The following TNFSF8 variants were observed in gnomAD, a reference collection of about 807,000 sequenced individuals.
The protein encoded by TNFSF8 is tumor necrosis factor ligand superfamily member 8.
TNFSF8 carries 4 observed loss-of-function variants against 22.0 expected under a neutral mutation model. That is an observed-to-expected ratio of 0.18 (90% CI 0.09 to 0.42). The LOEUF (loss-of-function observed/expected upper bound fraction) is 0.42. Ranked by LOEUF, TNFSF8 falls within the 10% of genes least tolerant of loss-of-function variation. The pLI, the probability that TNFSF8 is intolerant of heterozygous loss-of-function variation, is 1.00. For missense variants in TNFSF8, 233 were observed against 281.8 expected, an observed-to-expected ratio of 0.83 and a Z score of 1.24; for synonymous variants, 106 against 112.5, an observed-to-expected ratio of 0.94 and a Z score of 0.37.
At chr9:114,925,438 G>A (rs1382448642) in intron 1 of TNFSF8, among the ~76,000 whole-genome samples, 1 of 152,110 alleles carries the variant, frequency 6.6e-6, no homozygotes, top group African/African-American at 2.4e-5. Flanking sequence ...CAAGGAATGA[G>A]TCTCCAGGTT....
downstream of TNFSF8, among the ~76,000 whole-genome samples, chr9:114,898,397 C>T (rs943560757): frequency 2.2e-4 from 33 of 152,184 alleles, no homozygotes; most frequent in African/African-American, 8.0e-4. Flanking sequence ...GTTATTATCA[C>T]TATCAATTCC....
At chr9:114,904,831 A>G (rs1237202630) in intron 3 of TNFSF8, among the ~76,000 whole-genome samples, 2 of 152,190 alleles carry the variant, frequency 1.3e-5, no homozygotes, top group Non-Finnish European at 2.9e-5. Context: ...TTAATATCCA[A>G]TTTAGGTTTG....
At chr9:114,909,612 A>G (rs1325927703) in intron 2 of TNFSF8, among the ~76,000 whole-genome samples, 1 of 152,216 alleles carries the variant, frequency 6.6e-6, no homozygotes, top group Admixed American at 6.5e-5. Flanking sequence ...GGGCCTACCT[A>G]GCTTATTTCA....
chr9:114,912,499 C>T (rs569864925), intron 2 of TNFSF8, among the ~76,000 whole-genome samples: 1 of 152,362 alleles, frequency 6.6e-6, no homozygotes, highest in South Asian at 2.1e-4. Context: ...AAGCGATTCT[C>T]CTGCCTCAGC....
At chr9:114,919,022 T>G (rs942311791) in intron 1 of TNFSF8, among the ~76,000 whole-genome samples, 17 of 150,442 alleles carry the variant, frequency 1.1e-4, no homozygotes, top group African/African-American at 2.0e-4. Context: ...GTAGATGTGT[T>G]TTTTTTTTTT....
At position 114,902,312 on chromosome 9, in the gene TNFSF8, G is replaced by A. The variant is rs940583213; in HGVS notation, c.*1619C>T. The A allele has an allele frequency of 7.1e-6, 7 of 985,430 alleles. No individual in the cohort carries two copies. The East Asian group carries it at 4.5e-4, about 64-fold the overall frequency. 61.0% of individuals were successfully genotyped at this position (985,430 alleles called of 1,614,324 possible). A position where few individuals can be genotyped will look rare whatever the true frequency, so the allele number is the denominator to read the frequency against. On this transcript the variant is annotated 3_prime_UTR_variant, in exon 4 of 4. Coordinates refer to ENST00000223795, the MANE Select transcript of TNFSF8 (RefSeq NM_001244.4). ...CCCTCGCGGAACTGGTTTTCTGAGA[G>A]GTGTTTGAAGCAGGAATATATTATG...
Position 114,918,142 on chromosome 9 carries a change from G to C in TNFSF8, c.196-4C>G. 6.2e-7 allele frequency: 1 copy of C among 1,602,792 alleles called. No individual in the cohort carries two copies. Among genetic ancestry groups the C allele is most frequent in the Non-Finnish European group, 8.5e-7 (1 of 1,175,054 alleles). On this transcript the variant is annotated splice_region_variant and splice_polypyrimidine_tract_variant and intron_variant, in intron 1 of 3. Coordinates refer to ENST00000223795, the MANE Select transcript of TNFSF8 (RefSeq NM_001244.4). ...CAGGTGAGTTGGGAATGGAGTCCTG[G>C]AAGAAAAGAAAGAAAAAAGCAGCAT... is the stretch of plus-strand genomic sequence containing the variant.
intron 1 of TNFSF8, among the ~76,000 whole-genome samples, chr9:114,925,829 G>A (rs1318513497): frequency 6.6e-6 from 1 of 152,088 alleles, no homozygotes; most frequent in African/African-American, 2.4e-5. Context: ...CCTGGGGCTA[G>A]AGAAGCCCAG....
chr9:114,918,184 T>C (rs1827943847), intron 1 of TNFSF8, 46 bp from the exon 2 acceptor site: 1 of 1,558,668 alleles, frequency 6.4e-7, no homozygotes, highest in Admixed American at 2.0e-5. Context: ...TGACATTCAG[T>C]TGAAACAACT....
Position 114,901,561 on chromosome 9 carries a change from A to G in TNFSF8, c.*2370T>C. ...GTTAACACACAGTTGGGTTGCATAT[A>G]CCTTTTCAAGAATGCATGAGTTGGT... is the stretch of plus-strand genomic sequence containing the variant. On this transcript the variant is annotated 3_prime_UTR_variant, in exon 4 of 4. Transcript: ENST00000223795. 1 of 985,300 alleles carries G rather than the reference A, an allele frequency of 1.0e-6. No individual in the cohort carries two copies. The allele number at this position is 985,300 out of a possible 1,614,324, so 61.0% of individuals were successfully genotyped here. A position where few individuals can be genotyped will look rare whatever the true frequency, so the allele number is the denominator to read the frequency against.
At chr9:114,899,820 G>C (rs1387765334), downstream of TNFSF8, among the ~76,000 whole-genome samples, 2 of 152,198 alleles carry the variant, frequency 1.3e-5, no homozygotes, top group Non-Finnish European at 2.9e-5. Flanking sequence ...CTAAGCTCCA[G>C]GTCATGAGCT....
chr9:114,914,778 G>A (rs533812335), intron 2 of TNFSF8, among the ~76,000 whole-genome samples: 2 of 152,316 alleles, frequency 1.3e-5, no homozygotes, highest in East Asian at 3.9e-4. Flanking sequence ...TCTCCTCCCA[G>A]GCGCTCTTCC....
At chr9:114,900,577 C>T (rs1342393892), downstream of TNFSF8, among the ~76,000 whole-genome samples, 1 of 152,158 alleles carries the variant, frequency 6.6e-6, no homozygotes, top group Non-Finnish European at 1.5e-5. Context: ...TGGAGGTTTC[C>T]TCTGCTCTTC....
At chr9:114,926,246 G>A (rs1487424302) in intron 1 of TNFSF8, among the ~76,000 whole-genome samples, 1 of 152,006 alleles carries the variant, frequency 6.6e-6, no homozygotes, top group African/African-American at 2.4e-5. Flanking sequence ...TGGCTAACAC[G>A]GTGAAACCCC....
intron 2 of TNFSF8, among the ~76,000 whole-genome samples, chr9:114,908,997 C>G (rs1185884235): frequency 1.3e-5 from 2 of 152,176 alleles, no homozygotes; most frequent in Admixed American, 1.3e-4. Context: ...TAACACTGCT[C>G]TAATCCCCAT....
intron 2 of TNFSF8, among the ~76,000 whole-genome samples, chr9:114,906,216 T>C (rs1827783139): frequency 6.6e-6 from 1 of 152,204 alleles, no homozygotes; most frequent in African/African-American, 2.4e-5. Context: ...TTCATCTCCT[T>C]AATCTTTGCA....
downstream of TNFSF8, among the ~76,000 whole-genome samples, chr9:114,900,048 T>C (rs550899853): frequency 6.6e-6 from 1 of 152,338 alleles, no homozygotes; most frequent in South Asian, 2.1e-4. Flanking sequence ...GGACAAACTA[T>C]GGTATATTCA....
intron 1 of TNFSF8, among the ~76,000 whole-genome samples, chr9:114,923,478 T>TTTCTTTCTTTC (rs1828014677): frequency 9.5e-6 from 1 of 105,682 alleles, no homozygotes; most frequent in Non-Finnish European, 1.9e-5. Context: ...TTTTCTTTCT[T>TTTCTTTCTTTC]TTTCTTTCTT....
Position 114,904,122 on chromosome 9 carries a change from C to A in TNFSF8, c.514G>T (p.Ala172Ser). ...LLINKHIKKQ[A>S]LVTVCESGMQ... ...CCAGACTCACACACTGTCACCAGGGCCTGTTTTTTGATATGCTTGTTGATG... is the reference window on the plus strand; with the variant it reads ...CCAGACTCACACACTGTCACCAGGGACTGTTTTTTGATATGCTTGTTGATG... The change falls in exon 4 of 4, where the codon GCC becomes TCC. Residue 172 changes from alanine to serine, a missense_variant. Physicochemically the swap from Ala to Ser is moderately conservative, Grantham distance 99 (BLOSUM62 1). Coordinates refer to ENST00000223795, the MANE Select transcript of TNFSF8 (RefSeq NM_001244.4). 1 of 1,614,056 alleles carries A rather than the reference C, an allele frequency of 6.2e-7. No individual in the cohort carries two copies. The highest frequency in any genetic ancestry group is 8.5e-7 in the Non-Finnish European group (1 of 1,179,976).
Sources: gnomAD v4.1 joint callset for allele counts (sites outside exome capture counted in the v4.1 genomes callset) on GRCh38, gnomAD v4.1.1 for gene constraint, MANE v1.5 for transcripts, NCBI Gene and HGNC (gene_info 2026-07-23, HGNC 2026-07-21) for gene names.